The following GLIS1 variants were observed in gnomAD, a reference collection of about 807,000 sequenced individuals.
GLIS1 encodes the protein zinc finger protein GLIS1.
A neutral mutation model predicts 63.8 loss-of-function variants in GLIS1; 24 were observed. The observed-to-expected ratio is 0.38, with a 90% CI of 0.27 to 0.53. GLIS1 has a LOEUF of 0.53. Among genes scored for constraint, GLIS1 ranks in the 20% least tolerant of loss-of-function variants. The pLI is 0.85. For synonymous variants in GLIS1, 450 were observed against 482.5 expected, an observed-to-expected ratio of 0.93 and a Z score of 0.88; for missense variants, 1,036 against 1,074.1, an observed-to-expected ratio of 0.96 and a Z score of 0.50.
intron 2 of GLIS1, among the ~76,000 whole-genome samples, chr1:53,630,727 C>T (rs913355063): frequency 3.3e-5 from 5 of 152,300 alleles, no homozygotes; most frequent in Admixed American, 6.5e-5. Flanking sequence ...GAACTCCAGA[C>T]CTCAGGCAAT....
intron 2 of GLIS1, among the ~76,000 whole-genome samples, chr1:53,615,287 A>G (rs1364087770): frequency 1.3e-5 from 2 of 152,134 alleles, no homozygotes; most frequent in Non-Finnish European, 2.9e-5. Flanking sequence ...GGCTGGCAGG[A>G]GGGCTGTGCA....
intron 2 of GLIS1, among the ~76,000 whole-genome samples, chr1:53,641,340 C>T (rs1470382149): frequency 3.3e-5 from 5 of 152,142 alleles, no homozygotes; most frequent in African/African-American, 1.2e-4. Context: ...CAGTGGATGA[C>T]ATTCCCAACA....
At chr1:53,622,948 C>CT (rs941763369) in intron 2 of GLIS1, among the ~76,000 whole-genome samples, 2 of 152,122 alleles carry the variant, frequency 1.3e-5, no homozygotes, top group South Asian at 2.1e-4. Flanking sequence ...CAATTCTTAT[C>CT]TTTTTTTAAA....
At chr1:53,652,817 G>T (rs4626818) in intron 2 of GLIS1, among the ~76,000 whole-genome samples, 14,790 of 152,140 alleles carry the variant, frequency 0.097, 921 homozygotes, top group South Asian at 0.24. Flanking sequence ...ACCAGCTAAG[G>T]CCCCTAAAAA....
chr1:53,554,021 G>A (rs1490560385), intron 4 of GLIS1, among the ~76,000 whole-genome samples: 1 of 152,164 alleles, frequency 6.6e-6, no homozygotes, highest in Non-Finnish European at 1.5e-5. Context: ...TCCCTAAATG[G>A]AGAAGAGGAC....
chr1:53,639,233 T>C lies in GLIS1; in HGVS notation c.260-38955A>G, dbSNP rs17382968. Among the ~76,000 whole-genome samples the C allele has an allele frequency of 0.097, 14,789 of 152,148 alleles. 916 individuals carry two copies. The highest frequency in any genetic ancestry group is 0.24 in the South Asian group (1,161 of 4,806). On this transcript the variant is annotated intron_variant, in intron 2 of 10. Coordinates refer to ENST00000628545, the MANE Select transcript of GLIS1 (RefSeq NM_001367484.1). The surrounding 1 kb of genome is among the most constrained non-coding windows in gnomAD (Gnocchi z 4.6). ...TACCCACATGACACTGGCCACACTC[T>C]CCAGCATTACACTAAGGGAGCTGCG...
At position 53,594,788 on chromosome 1, in the gene GLIS1, A is replaced by G. The variant is rs757908902; in HGVS notation, c.640T>C (p.Tyr214His). ...GAGCTGGGTTCGCTGCCCAGAAGGT[A>G]GCAGGAAGGCGCAGGGGTGGCGAGG... ...RSLATPAPSC[Y>H]LLGSEPSSGL... The change falls in exon 4 of 11, where the codon TAC becomes CAC. Residue 214 changes from tyrosine to histidine, a missense_variant. Physicochemically the swap from Tyr to His is moderately conservative, Grantham distance 83. Transcript: ENST00000628545. The G allele has an allele frequency of 1.2e-6, 2 of 1,605,868 alleles. No homozygotes were observed. Among genetic ancestry groups the G allele is most frequent in the Admixed American group, 3.4e-5 (2 of 59,172 alleles).
chr1:53,611,806 G>C (rs150299177), intron 2 of GLIS1, among the ~76,000 whole-genome samples: 163 of 152,222 alleles, frequency 1.1e-3, no homozygotes, highest in African/African-American at 3.7e-3. Context: ...TAAAAGCTCT[G>C]CCTAATTTAT....
rs566273849 is a variant in GLIS1 at position 53,673,294 on chromosome 1, T to C, written c.259+64512A>G. Among the ~76,000 whole-genome samples the C allele has an allele frequency of 4.6e-5, 7 of 152,334 alleles. No individual in the cohort carries two copies. The South Asian group carries it at 1.5e-3, about 32-fold the overall frequency. ...TAAAATGACTCTGAAAGGGCCTAGA[T>C]TACCACTGGGGCGACTTGGCCAGGG... On this transcript the variant is annotated intron_variant, in intron 2 of 10. Coordinates refer to ENST00000628545, the MANE Select transcript of GLIS1 (RefSeq NM_001367484.1).
At chr1:53,701,089 A>G (rs1646518265) in intron 2 of GLIS1, among the ~76,000 whole-genome samples, 1 of 152,256 alleles carries the variant, frequency 6.6e-6, no homozygotes, top group South Asian at 2.1e-4. Flanking sequence ...ACATTTTGGT[A>G]CAAATTTCAT....
intron 2 of GLIS1, among the ~76,000 whole-genome samples, chr1:53,663,350 G>T (rs924819731): frequency 6.6e-6 from 1 of 152,238 alleles, no homozygotes; most frequent in Non-Finnish European, 1.5e-5. Flanking sequence ...CATATCAGAG[G>T]CCTGGGGGCT....
At chr1:53,569,015 G>A (rs557103652) in intron 4 of GLIS1, among the ~76,000 whole-genome samples, 1 of 152,276 alleles carries the variant, frequency 6.6e-6, no homozygotes, top group South Asian at 2.1e-4. Context: ...AGACCTGGAA[G>A]AAACTTAAAT....
chr1:53,670,458 CT>C (rs1230992350), intron 2 of GLIS1, among the ~76,000 whole-genome samples: 1 of 152,178 alleles, frequency 6.6e-6, no homozygotes, highest in Non-Finnish European at 1.5e-5. Flanking sequence ...AAGGATGGGT[CT>C]CATTCATTGC....
chr1:53,548,540 C>G (rs1644728115), intron 4 of GLIS1, among the ~76,000 whole-genome samples: 1 of 152,220 alleles, frequency 6.6e-6, no homozygotes, highest in Non-Finnish European at 1.5e-5. Flanking sequence ...GTCATGCTGC[C>G]TTTGCTGTGA....
chr1:53,631,975 G>A (rs1645656854), intron 2 of GLIS1, among the ~76,000 whole-genome samples: 1 of 151,704 alleles, frequency 6.6e-6, no homozygotes, highest in Admixed American at 6.6e-5. Flanking sequence ...TGAGTGTGAG[G>A]GATGTGTGAA....
intron 2 of GLIS1, among the ~76,000 whole-genome samples, chr1:53,667,663 T>A (rs1218569318): frequency 2.0e-5 from 3 of 152,192 alleles, no homozygotes; most frequent in Non-Finnish European, 4.4e-5. Context: ...ACAGAATTTA[T>A]TTTCACAGCA....
At chr1:53,572,475 CCT>C (rs1644992818) in intron 4 of GLIS1, among the ~76,000 whole-genome samples, 1 of 152,270 alleles carries the variant, frequency 6.6e-6, no homozygotes, top group East Asian at 1.9e-4. Flanking sequence ...CACCAGCTGT[CCT>C]CTCTACCTGT....
At chr1:53,517,866 G>T (rs1451517649) in intron 7 of GLIS1, among the ~76,000 whole-genome samples, 1 of 152,180 alleles carries the variant, frequency 6.6e-6, no homozygotes, top group Non-Finnish European at 1.5e-5. Context: ...GACACAGGGT[G>T]GGTGACCGAG....
chr1:53,543,504 T>C (rs1313106991), intron 4 of GLIS1, among the ~76,000 whole-genome samples: 4 of 152,052 alleles, frequency 2.6e-5, no homozygotes, highest in Non-Finnish European at 5.9e-5. Context: ...CCCAGGGCTG[T>C]CTGATAGCAA....
Sources: gnomAD v4.1 joint callset for allele counts (sites outside exome capture counted in the v4.1 genomes callset) on GRCh38, gnomAD v4.1.1 for gene constraint, Gnocchi (gnomAD v3.1) non-coding constraint, MANE v1.5 for transcripts, NCBI Gene and HGNC (gene_info 2026-07-23, HGNC 2026-07-21) for gene names.